SPECC1: variants seen among roughly 807,000 people sequenced by gnomAD.
The protein encoded by SPECC1 is sperm antigen with calponin homology and coiled-coil domains 1, also known as cytospin-B.
In SPECC1, 62 loss-of-function variants were observed where a neutral mutation model predicts 104.1. That is an observed-to-expected ratio of 0.60 (90% CI 0.49 to 0.74). The LOEUF is 0.74. SPECC1 is among the 30% of genes least tolerant of loss of function. The probability of loss-of-function intolerance (pLI) is 0.00; values close to 1 mark genes in which losing one functional copy is unlikely to be tolerated. For synonymous variants in SPECC1, 513 were observed against 501.6 expected (o/e 1.02, Z -0.30); for missense variants, 1,306 against 1,310.5 (o/e 1.00, Z 0.05).
At chr17:20,238,077 G>C in intron 7 of SPECC1, 2 of 1,025,664 alleles carry the variant, frequency 1.9e-6, no homozygotes, top group Non-Finnish European at 2.3e-6. Context: ...CCTTCACTTG[G>C]AGTCTGACTT....
intron 3 of SPECC1, among the ~76,000 whole-genome samples, chr17:20,165,969 A>T (rs368093442): frequency 1.4e-4 from 21 of 152,268 alleles, no homozygotes; most frequent in African/African-American, 4.8e-4. Context: ...AGCTTGCAAA[A>T]ATGTTCTCCC....
At chr17:20,179,640 C>T (rs946732717) in intron 3 of SPECC1, among the ~76,000 whole-genome samples, 6 of 152,130 alleles carry the variant, frequency 3.9e-5, no homozygotes, top group South Asian at 2.1e-4. Context: ...TATAATTCAG[C>T]GAACCAGGGC....
chr17:20,287,359 G>C (rs1029961836), intron 12 of SPECC1, among the ~76,000 whole-genome samples: 2 of 144,712 alleles, frequency 1.4e-5, no homozygotes, highest in African/African-American at 5.1e-5. Flanking sequence ...GGAGCTTGCA[G>C]TGAGCCGAGA....
chr17:20,035,588 A>G (rs1323545372), intron 1 of SPECC1, among the ~76,000 whole-genome samples: 8 of 152,030 alleles, frequency 5.3e-5, no homozygotes, highest in Non-Finnish European at 8.8e-5. Context: ...CCATGTGCTT[A>G]TTGCTAGTAC....
chr17:20,120,184 G>T (rs2048960812), intron 3 of SPECC1, among the ~76,000 whole-genome samples: 1 of 152,116 alleles, frequency 6.6e-6, no homozygotes, highest in African/African-American at 2.4e-5. Flanking sequence ...GATATTTGGA[G>T]ACCAGCCTGG....
intron 14 of SPECC1, among the ~76,000 whole-genome samples, chr17:20,312,449 C>G (rs1340870843): frequency 6.6e-6 from 1 of 152,286 alleles, no homozygotes; most frequent in Non-Finnish European, 1.5e-5. Context: ...GATTGGACTT[C>G]GGAGTCCTCT....
intron 12 of SPECC1, among the ~76,000 whole-genome samples, chr17:20,284,892 T>C (rs2040889143): frequency 6.6e-6 from 1 of 152,186 alleles, no homozygotes; most frequent in Non-Finnish European, 1.5e-5. Flanking sequence ...TCTCCTGCCT[T>C]TTTCCCAAGA....
chr17:20,256,636 C>G (rs1203811888), intron 10 of SPECC1, among the ~76,000 whole-genome samples: 1 of 152,162 alleles, frequency 6.6e-6, no homozygotes, highest in Non-Finnish European at 1.5e-5. Flanking sequence ...GCACTTAGTT[C>G]TCTGAGCTCC....
At chr17:20,085,870 C>A (rs970084100) in intron 1 of SPECC1, among the ~76,000 whole-genome samples, 2 of 152,228 alleles carry the variant, frequency 1.3e-5, no homozygotes, top group African/African-American at 4.8e-5. Flanking sequence ...CTCTGGGTAC[C>A]CACGGCGGGA....
At position 20,022,463 on chromosome 17, in the gene SPECC1, T is replaced by A. The variant is rs563648021; in HGVS notation, c.-22+13039T>A. ...TCTCCTAATATGTTATACGTCAGCT[T>A]TTTGGTTGGTATCTGTGTTGGATAA... On this transcript the variant is annotated intron_variant, in intron 1 of 14. Coordinates refer to ENST00000395527, the MANE Select transcript of SPECC1 (RefSeq NM_001243439.2). Among the ~76,000 whole-genome samples the A allele has an allele frequency of 4.4e-3, 663 of 152,300 alleles. 4 individuals are homozygous for A. The highest frequency in any genetic ancestry group is 7.7e-3 in the Admixed American group (118 of 15,302).
intron 3 of SPECC1, among the ~76,000 whole-genome samples, chr17:20,167,463 A>G (rs918091062): frequency 1.3e-5 from 2 of 152,082 alleles, no homozygotes; most frequent in Admixed American, 6.6e-5. Context: ...GCGGATCACC[A>G]AAGTCAGGAG....
intron 3 of SPECC1, among the ~76,000 whole-genome samples, chr17:20,125,497 A>G (rs980602211): frequency 3.3e-5 from 5 of 152,206 alleles, no homozygotes; most frequent in Non-Finnish European, 5.9e-5. Context: ...AGGTCCCTCA[A>G]GCTTACGCAT....
intron 10 of SPECC1, 23 bp from the exon 11 acceptor site, chr17:20,257,428 T>G: frequency 6.4e-7 from 1 of 1,550,712 alleles, no homozygotes; most frequent in Non-Finnish European, 8.7e-7. Flanking sequence ...TGGGAATGAG[T>G]GATTATGTGG....
intron 1 of SPECC1, among the ~76,000 whole-genome samples, chr17:20,030,389 ATAT>A (rs1253318949): frequency 6.6e-6 from 1 of 151,944 alleles, no homozygotes; most frequent in African/African-American, 2.4e-5. Context: ...AAACCCAACC[ATAT>A]TATTGTTGTA....
intron 4 of SPECC1, among the ~76,000 whole-genome samples, chr17:20,215,188 T>C (rs970110821): frequency 6.6e-6 from 1 of 152,154 alleles, no homozygotes; most frequent in African/African-American, 2.4e-5. Context: ...TGTAGAAATA[T>C]GTCTAGACAG....
At chr17:20,295,203 T>G (rs1019097163) in intron 12 of SPECC1, among the ~76,000 whole-genome samples, 4 of 124,770 alleles carry the variant, frequency 3.2e-5, no homozygotes, top group Non-Finnish European at 6.4e-5. Context: ...CCGGTGTGTG[T>G]TGTTCCCTAC....
At chr17:20,078,479 G>T (rs991790557) in intron 1 of SPECC1, among the ~76,000 whole-genome samples, 1 of 152,060 alleles carries the variant, frequency 6.6e-6, no homozygotes, top group Non-Finnish European at 1.5e-5. Context: ...TACTCATGAC[G>T]TGTCATTTCC....
chr17:20,216,721 A>G (rs1303240618), intron 4 of SPECC1, among the ~76,000 whole-genome samples: 3 of 152,164 alleles, frequency 2.0e-5, no homozygotes, highest in Non-Finnish European at 4.4e-5. Context: ...TTATAGTGCA[A>G]TTCCACTGGC....
chr17:20,160,455 A>G (rs1393047268), intron 3 of SPECC1, among the ~76,000 whole-genome samples: 1 of 152,142 alleles, frequency 6.6e-6, no homozygotes, highest in Non-Finnish European at 1.5e-5. Flanking sequence ...ACCCACTGAC[A>G]TGCCAGGGGA....
Sources: allele counts gnomAD v4.1 joint callset (sites outside exome capture counted in the v4.1 genomes callset), GRCh38; gene constraint gnomAD v4.1.1; transcripts MANE v1.5; gene names NCBI Gene and HGNC (gene_info 2026-07-23, HGNC 2026-07-21).